The following LTBP1 variants were observed in gnomAD, a reference collection of about 807,000 sequenced individuals.
LTBP1 encodes the protein latent-transforming growth factor beta-binding protein 1.
LTBP1 carries 129 observed loss-of-function variants against 207.6 expected under a neutral mutation model. That is an observed-to-expected ratio of 0.62 (90% CI 0.54 to 0.72). LTBP1 has a LOEUF of 0.72. Ranked by LOEUF, LTBP1 falls within the 30% of genes least tolerant of loss-of-function variation. The pLI is 0.00. For missense variants in LTBP1, 2,281 were observed against 2,217.2 expected, an observed-to-expected ratio of 1.03 and a Z score of -0.58; for synonymous variants, 963 against 833.7, an observed-to-expected ratio of 1.16 and a Z score of -2.67.
Position 33,275,072 on chromosome 2 carries a change from G to C in LTBP1, c.2851G>C (p.Glu951Gln). The C allele has an allele frequency of 6.2e-7, 1 of 1,614,004 alleles. No individual in the cohort carries two copies. Among genetic ancestry groups the C allele is most frequent in the Non-Finnish European group, 8.5e-7 (1 of 1,179,918 alleles). ...CCCAGCAGGATTTATGGCCAGTGAG[G>C]AGGGTACTAACTGCATAGGTAATGG... is the stretch of plus-strand genomic sequence containing the variant. ...ICPAGFMASE[E>Q]GTNCIDVDEC... Residue 951 changes from glutamate (E) to glutamine (Q), a missense_variant, in exon 17 of 34, where the codon GAG (glutamate) becomes CAG (glutamine). Around this residue, in one of 3 missense-constraint regions of LTBP1, gnomAD observed 1,671 missense variants for 1,634.8 expected, o/e 1.02. Transcript: ENST00000404816.
chr2:33,279,325 C>T (rs534721695), intron 18 of LTBP1, among the ~76,000 whole-genome samples: 3 of 152,284 alleles, frequency 2.0e-5, no homozygotes, highest in Non-Finnish European at 4.4e-5. Context: ...TATCTCCTCA[C>T]AGACTTAACC....
In LTBP1 at chr2:33,333,941, G is replaced by A. The variant is rs536197499; in HGVS notation, c.3731-8897G>A. ...GGGGTCAAGTAAAAGAGACCCTGTA[G>A]GAGGAGTCCAGGGAGTAAGAGGAAA... On this transcript the variant is annotated intron_variant, in intron 24 of 33. Coordinates refer to ENST00000404816, the MANE Select transcript of LTBP1 (RefSeq NM_206943.4). Among the ~76,000 whole-genome samples, 19 of 152,236 alleles carry A rather than the reference G, an allele frequency of 1.2e-4. No homozygotes were observed. The South Asian group carries it at 3.9e-3, about 32-fold the overall frequency.
chr2:33,154,693 T>A (rs1437452727), intron 5 of LTBP1, among the ~76,000 whole-genome samples: 1 of 152,204 alleles, frequency 6.6e-6, no homozygotes, highest in Non-Finnish European at 1.5e-5. Context: ...GGATAAATTC[T>A]TAGAAACAAA....
intron 9 of LTBP1, among the ~76,000 whole-genome samples, chr2:33,239,803 C>G (rs1490310685): frequency 6.6e-6 from 1 of 151,540 alleles, no homozygotes; most frequent in Non-Finnish European, 1.5e-5. Context: ...ACTCAGGAGG[C>G]TGAGGCAGGA....
At chr2:33,382,111 T>TTTTTTTTTTTTTTTTTTTTTTG (rs1553316521) in intron 31 of LTBP1, among the ~76,000 whole-genome samples, 2 of 103,652 alleles carry the variant, frequency 1.9e-5, no homozygotes, top group African/African-American at 9.7e-5. Context: ...TTTTTTTTTT[T>TTTTTTTTTTTTTTTTTTTTTTG]TGAGACAGAG....
chr2:33,383,723 G>A (rs1216300376), intron 31 of LTBP1, among the ~76,000 whole-genome samples: 1 of 152,048 alleles, frequency 6.6e-6, no homozygotes, highest in Admixed American at 6.6e-5. Flanking sequence ...TTTTTGTGGA[G>A]ACAGAGTTTC....
At chr2:33,222,216 T>A in intron 9 of LTBP1, 65 bp downstream of exon 9, 1 of 1,160,916 alleles carries the variant, frequency 8.6e-7, no homozygotes, top group Non-Finnish European at 1.3e-6. Flanking sequence ...AAACTTCAGT[T>A]GTTTGCCACG....
rs115677875 is a variant in LTBP1, at chr2:33,177,336, C to G, written c.1202-9520C>G. On this transcript the variant is annotated intron_variant, in intron 5 of 33. Coordinates refer to ENST00000404816, the MANE Select transcript of LTBP1 (RefSeq NM_206943.4). The stretch of plus-strand genomic sequence containing the variant: ...TGCTTGTGGAGGATATTCTTTGGAG[C>G]TTTATCTCTAATAGTTAAAAAATGC... Among the ~76,000 whole-genome samples the G allele has an allele frequency of 8.9e-3, 1,351 of 152,258 alleles. 16 individuals are homozygous for G. The highest frequency in any genetic ancestry group is 0.045 in the South Asian group (217 of 4,818).
At chr2:32,949,572 A>C (rs1572773153) in intron 2 of LTBP1, among the ~76,000 whole-genome samples, 1 of 152,238 alleles carries the variant, frequency 6.6e-6, no homozygotes, top group African/African-American at 2.4e-5. Context: ...AGAACACTGG[A>C]AAATTTTTCT....
At chr2:33,231,263 T>C (rs12151740) in intron 9 of LTBP1, among the ~76,000 whole-genome samples, 37,276 of 152,194 alleles carry the variant, frequency 0.24, 5,560 homozygotes, top group Admixed American at 0.33. Flanking sequence ...AGCATCGTTT[T>C]ATTATACTCG....
intron 9 of LTBP1, among the ~76,000 whole-genome samples, chr2:33,238,143 G>A (rs1279296078): frequency 6.6e-6 from 1 of 152,130 alleles, no homozygotes; most frequent in East Asian, 1.9e-4. Context: ...TCAAGTGGAA[G>A]GCATACTGCT....
chr2:33,371,911 C>T (rs752316906), intron 31 of LTBP1, among the ~76,000 whole-genome samples: 2 of 152,160 alleles, frequency 1.3e-5, no homozygotes, highest in Non-Finnish European at 2.9e-5. Flanking sequence ...TGGTGGTGTC[C>T]CACCCAGCAC....
At chr2:33,206,596 C>T (rs58920936) in intron 7 of LTBP1, among the ~76,000 whole-genome samples, 70,183 of 151,752 alleles carry the variant, frequency 0.46, 16,779 homozygotes, top group Middle Eastern at 0.55. Context: ...AAAAACTAGC[C>T]GGGCGTGGTG....
intron 2 of LTBP1, among the ~76,000 whole-genome samples, chr2:32,972,123 T>TG (rs1680973124): frequency 7.4e-6 from 1 of 134,344 alleles, no homozygotes; most frequent in African/African-American, 2.6e-5. Context: ...TTTTGTTTTT[T>TG]TTTTTCTGTG....
chr2:33,310,249 C>T (rs1218282676), intron 23 of LTBP1, among the ~76,000 whole-genome samples: 3 of 152,008 alleles, frequency 2.0e-5, no homozygotes, highest in Non-Finnish European at 2.9e-5. Context: ...CCTGGCTCAC[C>T]ATTGCTTTTT....
intron 5 of LTBP1, among the ~76,000 whole-genome samples, chr2:33,180,812 A>G (rs1433079693): frequency 1.3e-5 from 2 of 152,192 alleles, no homozygotes; most frequent in East Asian, 1.9e-4. Context: ...TAATTATTAT[A>G]TAACATATTT....
intron 5 of LTBP1, among the ~76,000 whole-genome samples, chr2:33,172,416 C>A (rs2085548247): frequency 6.6e-6 from 1 of 152,146 alleles, no homozygotes; most frequent in South Asian, 2.1e-4. Flanking sequence ...AAGGCCATTA[C>A]ATAATGGTAA....
intron 5 of LTBP1, among the ~76,000 whole-genome samples, chr2:33,157,952 G>A (rs533665011): frequency 1.1e-4 from 17 of 152,140 alleles, no homozygotes; most frequent in Admixed American, 8.5e-4. Flanking sequence ...GACCAGCATG[G>A]CCAACATGGG....
At chr2:33,174,973 G>C (rs113632096) in intron 5 of LTBP1, among the ~76,000 whole-genome samples, 1 of 150,552 alleles carries the variant, frequency 6.6e-6, no homozygotes, top group African/African-American at 2.4e-5. Context: ...GCTGAAACTG[G>C]ATCCCTTCCT....
Sources: allele counts gnomAD v4.1 joint callset (sites outside exome capture counted in the v4.1 genomes callset), GRCh38; gene constraint gnomAD v4.1.1; regional missense constraint gnomAD v4.1.1; transcripts MANE v1.5; gene names NCBI Gene and HGNC (gene_info 2026-07-23, HGNC 2026-07-21).